The following TNC variants were observed in gnomAD, a reference collection of about 807,000 sequenced individuals.
TNC encodes tenascin C.
Under a neutral mutation model 202.4 loss-of-function variants are expected in TNC, and 109 were observed. The observed-to-expected ratio is 0.54, with a 90% CI of 0.46 to 0.63. The LOEUF is 0.63. Among genes scored for constraint, TNC ranks in the 30% least tolerant of loss-of-function variants. The pLI is 0.00. For synonymous variants in TNC, 1,007 were observed against 1,089.7 expected, an observed-to-expected ratio of 0.92 and a Z score of 1.50; for missense variants, 2,756 against 2,833.3, an observed-to-expected ratio of 0.97 and a Z score of 0.62.
chr9:115,101,246 C>T (rs1329858101), intron 1 of TNC, among the ~76,000 whole-genome samples: 1 of 152,222 alleles, frequency 6.6e-6, no homozygotes, highest in East Asian at 1.9e-4. Flanking sequence ...AAGTCTCGCT[C>T]TGTTGCCCAG....
chr9:115,098,936 G>GCATTT (rs1835999680), intron 1 of TNC, among the ~76,000 whole-genome samples: 1 of 40,942 alleles, frequency 2.4e-5, no homozygotes, highest in East Asian at 6.6e-4. Context: ...CCTTAAGTGT[G>GCATTT]TATTTTTTTT....
intron 13 of TNC, 25 bp from the exon 14 acceptor site, chr9:115,060,027 G>A (rs1013209268): frequency 1.3e-6 from 2 of 1,587,552 alleles, no homozygotes; most frequent in African/African-American, 1.3e-5. Flanking sequence ...AAAAGTATTT[G>A]TCAGTTCTAT....
chr9:115,022,999 C>T (rs1410031322), intron 27 of TNC, among the ~76,000 whole-genome samples: 1 of 150,636 alleles, frequency 6.6e-6, no homozygotes, highest in Non-Finnish European at 1.5e-5. Context: ...TATCAACTGC[C>T]TCCCCCCTGA....
intron 16 of TNC, 57 bp downstream of exon 16, chr9:115,048,203 A>G: frequency 1.3e-6 from 2 of 1,578,588 alleles, no homozygotes; most frequent in Non-Finnish European, 1.7e-6. Flanking sequence ...TCCGGTAGAC[A>G]GATTACACAG....
intron 16 of TNC, among the ~76,000 whole-genome samples, chr9:115,047,837 G>C (rs1831322436): frequency 6.6e-6 from 1 of 152,176 alleles, no homozygotes. Flanking sequence ...AGCCCACTGG[G>C]TAAGTTTGTT....
rs575870853 is a variant in TNC, at chr9:115,093,345, AC to A, written c.-136-2192del. Among the ~76,000 whole-genome samples the A allele has an allele frequency of 2.0e-5, 3 of 152,208 alleles. No homozygotes were observed. The South Asian group carries it at 6.2e-4, about 32-fold the overall frequency. ...CAACAACAACAACAAAAACAAAGAA[AC>A]AAAAAATACCCAACCCTCTTTTGAG... On this transcript the variant is annotated intron_variant, in intron 1 of 27. Transcript: ENST00000350763.
intron 1 of TNC, among the ~76,000 whole-genome samples, chr9:115,106,186 A>C (rs1383997864): frequency 6.6e-6 from 1 of 152,158 alleles, no homozygotes; most frequent in African/African-American, 2.4e-5. Flanking sequence ...CACTTTACAA[A>C]TGCTGTTTAA....
intron 15 of TNC, among the ~76,000 whole-genome samples, chr9:115,056,505 A>G (rs1832135794): frequency 1.3e-5 from 2 of 152,210 alleles, no homozygotes. Context: ...CCTTGTTTGA[A>G]CACAACTATT....
intron 1 of TNC, among the ~76,000 whole-genome samples, chr9:115,113,203 T>C (rs1393462068): frequency 6.6e-6 from 1 of 152,186 alleles, no homozygotes; most frequent in African/African-American, 2.4e-5. Context: ...TGTCTAGCCC[T>C]CTCTCTTGTC....
chr9:115,094,010 C>A (rs892967092), intron 1 of TNC, among the ~76,000 whole-genome samples: 1 of 152,090 alleles, frequency 6.6e-6, no homozygotes, highest in Non-Finnish European at 1.5e-5. Flanking sequence ...TTAGGCATAC[C>A]TGGGTTCAAA....
At chr9:115,027,885 A>C (rs1041696933) in intron 25 of TNC, among the ~76,000 whole-genome samples, 1 of 152,150 alleles carries the variant, frequency 6.6e-6, no homozygotes, top group African/African-American at 2.4e-5. Context: ...GATTTTATCC[A>C]TGCGAGGTGG....
intron 14 of TNC, 31 bp from the exon 15 acceptor site, chr9:115,057,456 A>G: frequency 6.4e-7 from 1 of 1,553,898 alleles, no homozygotes; most frequent in Non-Finnish European, 8.6e-7. Context: ...GGAGAAGAAA[A>G]AAATAAATTT....
rs35624621 is a variant in TNC at position 115,098,938 on chromosome 9, ATTTTTTTT to A, written c.-136-7792_-136-7785del. Reference sequence around the variant, plus strand: ...AGCCAGGAAACAGCCTTAAGTGTGTATTTTTTTTTTTTTTTTTTTCCTGAGGACATCTG... The same window carrying A: ...AGCCAGGAAACAGCCTTAAGTGTGTATTTTTTTTTTTCCTGAGGACATCTG... On this transcript the variant is annotated intron_variant, in intron 1 of 27. Coordinates refer to ENST00000350763, the MANE Select transcript of TNC (RefSeq NM_002160.4). Among the ~76,000 whole-genome samples the A allele has an allele frequency of 1.4e-4, 18 of 127,336 alleles. 1 individual carries two copies. The highest frequency in any genetic ancestry group is 5.1e-4 in the African/African-American group (17 of 33,010). 83.5% of individuals were successfully genotyped at this position (127,336 alleles called of 152,430 possible). A position where few individuals can be genotyped will look rare whatever the true frequency, so the allele number is the denominator to read the frequency against.
chr9:115,055,258 A>T (rs1832023691), intron 15 of TNC, among the ~76,000 whole-genome samples: 1 of 152,208 alleles, frequency 6.6e-6, no homozygotes. Context: ...ACAACTCCAG[A>T]TGTGAATGGA....
At chr9:115,091,751 A>G (rs1234692460) in intron 1 of TNC, among the ~76,000 whole-genome samples, 1 of 152,226 alleles carries the variant, frequency 6.6e-6, no homozygotes, top group Non-Finnish European at 1.5e-5. Context: ...GGAGGCAAAC[A>G]GTTTTAATCC....
intron 1 of TNC, among the ~76,000 whole-genome samples, chr9:115,104,733 C>T (rs941054443): frequency 1.3e-5 from 2 of 152,136 alleles, no homozygotes; most frequent in African/African-American, 4.8e-5. Flanking sequence ...AGCTCCATGA[C>T]ATTGGGCATA....
chr9:115,037,143 C>G (rs544345376), intron 20 of TNC, among the ~76,000 whole-genome samples: 1 of 152,198 alleles, frequency 6.6e-6, no homozygotes, highest in South Asian at 2.1e-4. Context: ...CAGTTCCCCA[C>G]CCCTACCTGT....
At chr9:115,075,933 G>T in intron 9 of TNC, 99 bp downstream of exon 9, 2 of 1,046,910 alleles carry the variant, frequency 1.9e-6, no homozygotes, top group Non-Finnish European at 3.0e-6. Context: ...TTTCCTCCAG[G>T]CTTCTACTTT....
intron 25 of TNC, among the ~76,000 whole-genome samples, chr9:115,027,786 T>C (rs1829627512): frequency 6.6e-6 from 1 of 152,192 alleles, no homozygotes; most frequent in South Asian, 2.1e-4. Context: ...GATAGGATTG[T>C]AGTGTTGACT....
Sources: allele counts gnomAD v4.1 joint callset (sites outside exome capture counted in the v4.1 genomes callset), GRCh38; gene constraint gnomAD v4.1.1; transcripts MANE v1.5; gene names NCBI Gene and HGNC (gene_info 2026-07-23, HGNC 2026-07-21).